DGKI: variants seen among roughly 807,000 people sequenced by gnomAD.
The protein encoded by DGKI is DAG kinase iota.
Under a neutral mutation model 147.5 loss-of-function variants are expected in DGKI, and 55 were observed. The ratio of observed to expected loss-of-function variants is 0.37; its 90% CI spans 0.30 to 0.47. DGKI has a LOEUF of 0.47. Among genes scored for constraint, DGKI ranks in the 20% least tolerant of loss-of-function variants. The probability of loss-of-function intolerance (pLI) is 1.00; values close to 1 mark genes in which losing one functional copy is unlikely to be tolerated. For synonymous variants in DGKI, 469 were observed against 477.1 expected (o/e 0.98, Z 0.22); for missense variants, 1,007 against 1,323.8 (o/e 0.76, Z 3.71).
chr7:137,733,492 T>C (rs1794940838), intron 1 of DGKI, among the ~76,000 whole-genome samples: 1 of 152,072 alleles, frequency 6.6e-6, no homozygotes, highest in Non-Finnish European at 1.5e-5. Context: ...TATCCATCCA[T>C]CAATGAATAC....
At chr7:137,541,020 G>A (rs1817683014) in intron 20 of DGKI, among the ~76,000 whole-genome samples, 1 of 152,120 alleles carries the variant, frequency 6.6e-6, no homozygotes, top group African/African-American at 2.4e-5. Context: ...AATTTTTGGA[G>A]ACATAGGCAA....
chr7:137,398,905 A>G (rs1001462912), intron 30 of DGKI, among the ~76,000 whole-genome samples: 1 of 152,024 alleles, frequency 6.6e-6, no homozygotes, highest in East Asian at 1.9e-4. Flanking sequence ...TAGGTTTCCA[A>G]TACATCATAT....
rs1235328273 is a variant in DGKI, at chr7:137,381,405, T to C, written c.*9815A>G. On this transcript the variant is annotated 3_prime_UTR_variant, in exon 33 of 33. Transcript: ENST00000614521. ...CTGCTACTTGTTTATGGATTCCACC[T>C]GCCAGCTGGCAGCTTTGCAAAAGCA... The C allele has an allele frequency of 1.3e-5, 2 of 149,968 alleles. No individual in the cohort carries two copies. The highest frequency in any genetic ancestry group is 1.5e-5 in the Non-Finnish European group (1 of 67,592). The allele number at this position is 149,968 out of a possible 1,614,324, so 9.3% of individuals were successfully genotyped here.
At chr7:137,620,051 ACACT>A in intron 7 of DGKI, 111 bp from the exon 8 acceptor site, 1 of 729,580 alleles carries the variant, frequency 1.4e-6, no homozygotes. Flanking sequence ...ACACACACAC[ACACT>A]CATTACATGC....
At chr7:137,418,122 T>C (rs572235253) in intron 28 of DGKI, among the ~76,000 whole-genome samples, 5 of 152,302 alleles carry the variant, frequency 3.3e-5, no homozygotes, top group Admixed American at 3.3e-4. Context: ...CAAAACAAAA[T>C]CTGGCTTATT....
At chr7:137,840,171 T>C (rs1481549451) in intron 1 of DGKI, among the ~76,000 whole-genome samples, 1 of 152,230 alleles carries the variant, frequency 6.6e-6, no homozygotes, top group Non-Finnish European at 1.5e-5. Flanking sequence ...GGTACATGAA[T>C]AAAAAGTAGC....
intron 28 of DGKI, among the ~76,000 whole-genome samples, chr7:137,421,602 G>A (rs1271341924): frequency 6.6e-6 from 1 of 152,144 alleles, no homozygotes; most frequent in Non-Finnish European, 1.5e-5. Flanking sequence ...TTCACCACTG[G>A]AATTGGCTAT....
intron 6 of DGKI, among the ~76,000 whole-genome samples, chr7:137,645,145 C>T (rs114480956): frequency 1.3e-3 from 203 of 152,296 alleles, no homozygotes; most frequent in African/African-American, 4.3e-3. Flanking sequence ...TGATTTGCTG[C>T]GATTGGCCAA....
chr7:137,464,615 T>A (rs760912042), intron 26 of DGKI, among the ~76,000 whole-genome samples: 2 of 152,236 alleles, frequency 1.3e-5, no homozygotes, highest in African/African-American at 4.8e-5. Flanking sequence ...TATCAGGCCA[T>A]GCAGCCACTT....
At chr7:137,663,186 G>C (rs1163551103) in intron 3 of DGKI, among the ~76,000 whole-genome samples, 1 of 152,190 alleles carries the variant, frequency 6.6e-6, no homozygotes, top group Non-Finnish European at 1.5e-5. Context: ...TGTGAGTGCT[G>C]TACAGGATAT....
chr7:137,830,743 T>A (rs1798194292), intron 1 of DGKI, among the ~76,000 whole-genome samples: 1 of 152,192 alleles, frequency 6.6e-6, no homozygotes, highest in South Asian at 2.1e-4. Context: ...AAGGGTATTA[T>A]CCTGAATGTC....
At chr7:137,571,117 T>G in intron 19 of DGKI, 58 bp downstream of exon 19, 1 of 1,281,268 alleles carries the variant, frequency 7.8e-7, no homozygotes. Flanking sequence ...TCCTGTGAAT[T>G]GAATAAACTC....
chr7:137,674,662 C>G (rs1001473268), intron 3 of DGKI, among the ~76,000 whole-genome samples: 2 of 152,224 alleles, frequency 1.3e-5, no homozygotes, highest in African/African-American at 2.4e-5. Context: ...TGCTCATGCA[C>G]GGCTCATGAT....
chr7:137,476,001 G>A (rs570231243), intron 23 of DGKI, among the ~76,000 whole-genome samples: 3 of 152,142 alleles, frequency 2.0e-5, no homozygotes, highest in Admixed American at 6.5e-5. Context: ...TCCTTTCAAA[G>A]TCTCAAATTT....
chr7:137,799,704 A>G (rs1367074481), intron 1 of DGKI, among the ~76,000 whole-genome samples: 1 of 152,204 alleles, frequency 6.6e-6, no homozygotes, highest in Non-Finnish European at 1.5e-5. Flanking sequence ...TTCTGATGTA[A>G]GCCAGCCAGC....
chr7:137,752,363 A>C (rs1165412375), intron 1 of DGKI, among the ~76,000 whole-genome samples: 1 of 152,232 alleles, frequency 6.6e-6, no homozygotes, highest in African/African-American at 2.4e-5. Context: ...GGAAGGCCTC[A>C]TATTTATAAA....
intron 20 of DGKI, among the ~76,000 whole-genome samples, chr7:137,551,444 C>G (rs901352041): frequency 2.0e-5 from 3 of 152,156 alleles, no homozygotes; most frequent in Non-Finnish European, 4.4e-5. Flanking sequence ...CCACTCAGTG[C>G]AAATAGGTAA....
chr7:137,487,045 T>G (rs1005430273), intron 22 of DGKI, among the ~76,000 whole-genome samples: 2 of 152,152 alleles, frequency 1.3e-5, no homozygotes, highest in African/African-American at 4.8e-5. Flanking sequence ...CTCCTGGCTT[T>G]GCTGGTGCAG....
chr7:137,782,595 C>G (rs1490735301), intron 1 of DGKI, among the ~76,000 whole-genome samples: 1 of 152,194 alleles, frequency 6.6e-6, no homozygotes, highest in Non-Finnish European at 1.5e-5. Context: ...GAATACTAAC[C>G]AGGTATCCCT....
Sources: allele counts gnomAD v4.1 joint callset (sites outside exome capture counted in the v4.1 genomes callset), GRCh38; gene constraint gnomAD v4.1.1; transcripts MANE v1.5; gene names NCBI Gene and HGNC (gene_info 2026-07-23, HGNC 2026-07-21).